Variants in TPRA1 observed in about 807,000 individuals in gnomAD.
The protein encoded by TPRA1 is transmembrane protein adipocyte-associated 1.
Under a neutral mutation model 40.1 loss-of-function variants are expected in TPRA1, and 28 were observed. The observed-to-expected ratio is 0.70, with a 90% CI of 0.52 to 0.96. The LOEUF (loss-of-function observed/expected upper bound fraction) is 0.96. TPRA1 is among the 40% of genes least tolerant of loss of function. The probability of loss-of-function intolerance (pLI) is 0.00; values close to 1 mark genes in which losing one functional copy is unlikely to be tolerated. For synonymous variants in TPRA1, 219 were observed against 209.7 expected, an observed-to-expected ratio of 1.04 and a Z score of -0.38; for missense variants, 441 against 482.6, an observed-to-expected ratio of 0.91 and a Z score of 0.81.
At position 127,573,141 on chromosome 3, in the gene TPRA1, G is replaced by A. The variant is rs73860620; in HGVS notation, c.*380C>T. Reference sequence around the variant, plus strand: ...ACACTTCAGTCCATCCACCATGGTGGATGCTTTGAGGAGGCCAAAGCACCA... The same window carrying A: ...ACACTTCAGTCCATCCACCATGGTGAATGCTTTGAGGAGGCCAAAGCACCA... On this transcript the variant is annotated 3_prime_UTR_variant, in exon 11 of 11. Transcript: ENST00000355552. 137 of 190,544 alleles carry A rather than the reference G, an allele frequency of 7.2e-4. No individual in the cohort carries two copies. The highest frequency in any genetic ancestry group is 3.1e-3 in the African/African-American group (133 of 43,306). 11.8% of individuals were successfully genotyped at this position (190,544 alleles called of 1,614,324 possible).
intron 1 of TPRA1, among the ~76,000 whole-genome samples, chr3:127,584,531 G>T (rs999235451): frequency 1.3e-5 from 2 of 149,332 alleles, no homozygotes; most frequent in Admixed American, 6.7e-5. Context: ...GAGAGGTGGA[G>T]CAGAATGACA....
intron 1 of TPRA1, among the ~76,000 whole-genome samples, chr3:127,585,010 G>A (rs2073958011): frequency 6.6e-6 from 1 of 152,012 alleles, no homozygotes; most frequent in African/African-American, 2.4e-5. Flanking sequence ...GAAGGTGTCT[G>A]GGTCCCCAGC....
chr3:127,580,886 G>A (rs2107641615), intron 1 of TPRA1, among the ~76,000 whole-genome samples: 4 of 152,360 alleles, frequency 2.6e-5, no homozygotes, highest in Admixed American at 2.6e-4. Flanking sequence ...ACCACAGAGG[G>A]GCAAGGCAAG....
chr3:127,573,823 C>A, intron 10 of TPRA1, 35 bp from the exon 11 acceptor site: 1 of 1,525,184 alleles, frequency 6.6e-7, no homozygotes, highest in South Asian at 1.3e-5. Flanking sequence ...GGAAGCCTCA[C>A]TGAGTGATTC....
rs750304115 is a variant in TPRA1 at position 127,575,249 on chromosome 3, T to C, written c.790A>G (p.Thr264Ala). The C allele has an allele frequency of 6.8e-6, 11 of 1,613,626 alleles. No homozygotes were observed. The highest frequency in any genetic ancestry group is 1.7e-5 in the Admixed American group (1 of 59,990). Reference protein sequence around the residue: ...IEGLCCVDATTFLYFSFFAPL... With the variant: ...IEGLCCVDATAFLYFSFFAPL... Reference sequence around the variant, plus strand: ...GCGAAGAAGCTGAAGTACAGGAAGGTTGTGGCATCTACACAGCTGCGGAGA... The same window carrying C: ...GCGAAGAAGCTGAAGTACAGGAAGGCTGTGGCATCTACACAGCTGCGGAGA... The change falls in exon 10 of 11, where the codon ACC (threonine) becomes GCC (alanine). Residue 264 changes from threonine (T) to alanine (A), a missense_variant. By Grantham distance (58) the Thr-to-Ala change is moderately conservative (BLOSUM62 0). Coordinates refer to ENST00000355552, the MANE Select transcript of TPRA1 (RefSeq NM_001136053.4).
chr3:127,584,447 T>TAAA (rs1163065087), intron 1 of TPRA1, among the ~76,000 whole-genome samples: 1,686 of 20,800 alleles, frequency 0.081, 474 homozygotes, highest in East Asian at 0.13. Flanking sequence ...AGACCCTGTC[T>TAAA]AAAAAAAAAA....
intron 8 of TPRA1, 54 bp from the exon 9 acceptor site, chr3:127,575,559 T>A: frequency 6.7e-7 from 1 of 1,485,090 alleles, no homozygotes; most frequent in Non-Finnish European, 9.0e-7. Flanking sequence ...GGCCAGGCTC[T>A]GCCTCCAGCA....
chr3:127,588,099 A>C (rs1290647675), intron 1 of TPRA1: 1 of 152,464 alleles, frequency 6.6e-6, no homozygotes, highest in Admixed American at 6.5e-5. Context: ...GTCTGTCTCC[A>C]GAGCCCAGGC....
intron 10 of TPRA1, 62 bp downstream of exon 10, chr3:127,575,123 T>C: frequency 4.5e-6 from 7 of 1,559,718 alleles, no homozygotes; most frequent in Admixed American, 1.7e-5. Context: ...CTCACACCCA[T>C]GCTGGAAGAA....
Position 127,572,423 on chromosome 3 carries a change from G to A in TPRA1, c.*1098C>T, listed in dbSNP as rs73860619. Reference sequence around the variant, plus strand: ...TCTGGCTGCCAAAAAGCTCAAAGCCGAACTCAGGTACAAGGGCAGTGGCAG... The same window carrying A: ...TCTGGCTGCCAAAAAGCTCAAAGCCAAACTCAGGTACAAGGGCAGTGGCAG... On this transcript the variant is annotated 3_prime_UTR_variant, in exon 11 of 11. Coordinates refer to ENST00000355552, the MANE Select transcript of TPRA1 (RefSeq NM_001136053.4). Among the ~76,000 whole-genome samples the A allele has an allele frequency of 9.0e-4, 137 of 152,290 alleles. No homozygotes were observed. The highest frequency in any genetic ancestry group is 3.1e-3 in the African/African-American group (128 of 41,562).
chr3:127,596,290 G>A (rs2074239700), intron 1 of TPRA1, among the ~76,000 whole-genome samples: 1 of 152,114 alleles, frequency 6.6e-6, no homozygotes, highest in Non-Finnish European at 1.5e-5. Context: ...TGTTGGTCAG[G>A]CTGGTCTTGA....
chr3:127,588,418 CTTTT>C (rs34353913), intron 1 of TPRA1, among the ~76,000 whole-genome samples: 1 of 132,490 alleles, frequency 7.5e-6, no homozygotes, highest in Non-Finnish European at 1.6e-5. Flanking sequence ...GAAGCACTGA[CTTTT>C]TTTTTTTTTT....
At chr3:127,577,890 C>T (rs566065255) in intron 3 of TPRA1, among the ~76,000 whole-genome samples, 21 of 152,308 alleles carry the variant, frequency 1.4e-4, no homozygotes, top group Admixed American at 5.9e-4. Context: ...GTGAGAGAGA[C>T]CCAGGATGTC....
chr3:127,574,738 G>T (rs190515491), intron 10 of TPRA1, among the ~76,000 whole-genome samples: 3 of 152,322 alleles, frequency 2.0e-5, no homozygotes, highest in Non-Finnish European at 2.9e-5. Context: ...TCTCTCTCTC[G>T]TGGGGAGAGT....
intron 10 of TPRA1, among the ~76,000 whole-genome samples, chr3:127,574,057 G>A (rs2073479342): frequency 1.3e-5 from 2 of 152,168 alleles, no homozygotes; most frequent in Non-Finnish European, 2.9e-5. Flanking sequence ...CCGTGTGGAG[G>A]AAGAATGGAC....
chr3:127,579,828 A>C lies in TPRA1; in HGVS notation c.170T>G (p.Phe57Cys). The C allele has an allele frequency of 6.2e-7, 1 of 1,614,084 alleles. No homozygotes were observed. The highest frequency in any genetic ancestry group is 8.5e-7 in the Non-Finnish European group (1 of 1,180,030). Residue 57 changes from phenylalanine (F) to cysteine (C), a missense_variant, in exon 3 of 11, where the codon TTC becomes TGC. Coordinates refer to ENST00000355552, the MANE Select transcript of TPRA1 (RefSeq NM_001136053.4). ...AAGCTTCCAGAGCAGGAAGATGAGGAAGAGCACATTGGGGATGAGCAGCAA... is the reference window on the plus strand; with the variant it reads ...AAGCTTCCAGAGCAGGAAGATGAGGCAGAGCACATTGGGGATGAGCAGCAA... The part of the protein sequence containing the change: ...DLLLLIPNVL[F>C]LIFLLWKLPS...
chr3:127,596,466 G>A lies in TPRA1; in HGVS notation c.-390-776C>T, dbSNP rs184161387. 4.6e-5 allele frequency among the ~76,000 whole-genome samples: 7 copies of A among 152,284 alleles called. No homozygotes were observed. In the East Asian group the frequency reaches 7.7e-4, roughly 17 times the overall value. ...TTCCTGTCAGCAGCTCCTAGCATCC[G>A]AGGTGCATCCTTCACATCCTTTGTT... On this transcript the variant is annotated intron_variant, in intron 1 of 3. Coordinates refer to the TPRA1 transcript ENST00000462228.
upstream of TPRA1, chr3:127,590,839 G>A (rs1237623611): frequency 5.2e-5 from 8 of 152,388 alleles, no homozygotes; most frequent in African/African-American, 1.7e-4. Context: ...AAAAAAAGTG[G>A]GAGAGACCAA....
chr3:127,595,221 C>G (rs1430299462), upstream of TPRA1, among the ~76,000 whole-genome samples: 6 of 152,206 alleles, frequency 3.9e-5, no homozygotes, highest in African/African-American at 1.4e-4. Flanking sequence ...GCCTACTCAC[C>G]CCACCCACCT....
Sources: allele counts gnomAD v4.1 joint callset (sites outside exome capture counted in the v4.1 genomes callset), GRCh38; gene constraint gnomAD v4.1.1; transcripts MANE v1.5; gene names NCBI Gene and HGNC (gene_info 2026-07-23, HGNC 2026-07-21).